Variants in ELOVL2 observed in about 807,000 individuals in gnomAD.
The protein encoded by ELOVL2 is very long chain fatty acid elongase 2.
ELOVL2 carries 38 observed loss-of-function variants against 37.7 expected under a neutral mutation model. The observed-to-expected ratio is 1.01, with a 90% CI of 0.78 to 1.32. The LOEUF (loss-of-function observed/expected upper bound fraction) is 1.32. Ranked by LOEUF, ELOVL2 falls within the 40% of genes most tolerant of loss-of-function variation. The pLI is 0.00. For missense variants in ELOVL2, 352 were observed against 363.6 expected (o/e 0.97, Z 0.26); for synonymous variants, 115 against 122.3 (o/e 0.94, Z 0.40).
chr6:11,007,997 G>A (rs1782508144), intron 2 of ELOVL2, among the ~76,000 whole-genome samples: 1 of 152,034 alleles, frequency 6.6e-6, no homozygotes, highest in Non-Finnish European at 1.5e-5. Context: ...TCTTATCTTT[G>A]GGACTTGAGA....
chr6:11,008,323 C>G (rs1295221936), intron 2 of ELOVL2, among the ~76,000 whole-genome samples: 1 of 152,226 alleles, frequency 6.6e-6, no homozygotes, highest in Non-Finnish European at 1.5e-5. Flanking sequence ...CTCAATTGAT[C>G]CCACATCCAC....
Position 11,028,392 on chromosome 6 carries a change from G to C in ELOVL2, c.3+15836C>G, listed in dbSNP as rs188617732. The stretch of plus-strand genomic sequence containing the variant: ...TGTATAGAGATTCTGCCTTTGACTA[G>C]ACGCAGGTGTGGACAAACAGGCTGA... On this transcript the variant is annotated intron_variant, in intron 1 of 7. Coordinates refer to ENST00000354666, the MANE Select transcript of ELOVL2 (RefSeq NM_017770.4). Among the ~76,000 whole-genome samples, 3 of 152,302 alleles carry C rather than the reference G, an allele frequency of 2.0e-5. No individual in the cohort carries two copies. The East Asian group carries it at 5.8e-4, about 29-fold the overall frequency.
At position 10,990,396 on chromosome 6, in the gene ELOVL2, G is replaced by A; in HGVS notation, c.552C>T (p.Tyr184=). 2 of 1,611,486 alleles carry A rather than the reference G, an allele frequency of 1.2e-6. No homozygotes were observed. Among genetic ancestry groups the A allele is most frequent in the Non-Finnish European group, 1.7e-6 (2 of 1,179,064 alleles). Residue 184 remains tyrosine (Y), a synonymous_variant, in exon 6 of 8, where the codon TAC becomes TAT. Coordinates refer to ENST00000354666, the MANE Select transcript of ELOVL2 (RefSeq NM_017770.4). ...TLNSFIHILM[Y]SYYGLSVFPS... is the part of the protein sequence containing the mutation. ...GAAACACAGAAAGTCCATAGTAGGAGTACATAAGAATGTGGATAAAACTGT... is the reference window on the plus strand; with the variant it reads ...GAAACACAGAAAGTCCATAGTAGGAATACATAAGAATGTGGATAAAACTGT...
At chr6:11,000,006 C>T (rs1283554732) in intron 4 of ELOVL2, 81 bp downstream of exon 4, 5 of 1,232,216 alleles carry the variant, frequency 4.1e-6, no homozygotes, top group Non-Finnish European at 6.0e-6. Flanking sequence ...TAGCCTCAGC[C>T]CTCTATCTGG....
Position 11,010,745 on chromosome 6 carries a change from C to A in ELOVL2, c.67+1G>T, listed in dbSNP as rs1166037453. The A allele has an allele frequency of 1.2e-6, 2 of 1,612,200 alleles. No homozygotes were observed. The highest frequency in any genetic ancestry group is 3.3e-5 in the Admixed American group (2 of 59,948). Reference sequence around the variant, plus strand: ...ATTAAGTTCTCAAGTAATTCACTGACCTCGCGGTCCAAACATATTGTCCAA... The same window carrying A: ...ATTAAGTTCTCAAGTAATTCACTGAACTCGCGGTCCAAACATATTGTCCAA... On this transcript the variant is annotated splice_donor_variant, in intron 2 of 7. Transcript: ENST00000354666. LOFTEE classifies it high-confidence loss of function.
At chr6:10,993,553 CAA>C (rs1782203793) in intron 5 of ELOVL2, among the ~76,000 whole-genome samples, 1 of 152,174 alleles carries the variant, frequency 6.6e-6, no homozygotes, top group Non-Finnish European at 1.5e-5. Flanking sequence ...ACCTGTTTCC[CAA>C]AATGAAATCA....
intron 5 of ELOVL2, among the ~76,000 whole-genome samples, chr6:10,992,772 G>A (rs925318384): frequency 2.0e-5 from 3 of 147,252 alleles, no homozygotes; most frequent in Non-Finnish European, 4.5e-5. Context: ...TGGCGACAGG[G>A]CGGGACTCCA....
chr6:11,011,314 C>T (rs1158975063), intron 1 of ELOVL2, among the ~76,000 whole-genome samples: 1 of 150,342 alleles, frequency 6.7e-6, no homozygotes, highest in East Asian at 1.9e-4. Flanking sequence ...TGCAGTGAGC[C>T]GAGATCACGC....
chr6:10,994,316 A>G (rs1475097019), intron 5 of ELOVL2, among the ~76,000 whole-genome samples: 1 of 151,958 alleles, frequency 6.6e-6, no homozygotes, highest in Non-Finnish European at 1.5e-5. Flanking sequence ...AAAATACAAA[A>G]AATTAGCTGG....
chr6:10,987,149 A>T (rs1561711417), intron 7 of ELOVL2, among the ~76,000 whole-genome samples: 1 of 152,172 alleles, frequency 6.6e-6, no homozygotes, highest in Non-Finnish European at 1.5e-5. Flanking sequence ...AGGTGTTTGT[A>T]GTATTCTCTG....
chr6:11,040,477 GCATT>G (rs1783082614), intron 1 of ELOVL2, among the ~76,000 whole-genome samples: 1 of 151,906 alleles, frequency 6.6e-6, no homozygotes, highest in Non-Finnish European at 1.5e-5. Context: ...ATCTTTTTCT[GCATT>G]GATTACATGT....
At chr6:10,989,878 CTG>C (rs769665094) in intron 6 of ELOVL2, 41 bp from the exon 7 acceptor site, 1 of 1,611,534 alleles carries the variant, frequency 6.2e-7, no homozygotes, top group Non-Finnish European at 8.5e-7. Context: ...GCGAGCCAGG[CTG>C]TGCCACACAG....
At chr6:11,020,013 G>A (rs1156693143) in intron 1 of ELOVL2, among the ~76,000 whole-genome samples, 1 of 152,022 alleles carries the variant, frequency 6.6e-6, no homozygotes, top group Admixed American at 6.6e-5. Context: ...CAAAGTGCTG[G>A]GATTACAGGC....
Position 10,982,524 on chromosome 6 carries a change from T to G in ELOVL2, c.*1257A>C, listed in dbSNP as rs1477408392. The G allele has an allele frequency of 2.0e-5, 3 of 152,230 alleles. No homozygotes were observed. Among genetic ancestry groups the G allele is most frequent in the African/African-American group, 4.8e-5 (2 of 41,454 alleles). 9.4% of individuals were successfully genotyped at this position (152,230 alleles called of 1,614,324 possible). ...CAGAAAATATTCTTTGTTTCCATTC[T>G]TGGTAGAGTTTAGTAGTGAGTAACA... is the stretch of plus-strand genomic sequence containing the variant. On this transcript the variant is annotated 3_prime_UTR_variant, in exon 8 of 8. Transcript: ENST00000354666.
intron 1 of ELOVL2, among the ~76,000 whole-genome samples, chr6:11,017,517 G>C (rs1300321811): frequency 6.6e-6 from 1 of 152,194 alleles, no homozygotes. Context: ...CCACAGGACA[G>C]TCCCATTCAA....
intron 1 of ELOVL2, 42 bp from the exon 2 acceptor site, chr6:11,010,851 CT>C (rs779779300): frequency 1.3e-6 from 2 of 1,509,398 alleles, no homozygotes; most frequent in Non-Finnish European, 1.8e-6. Context: ...TTTTTTTCTT[CT>C]TTTTTTGAAA....
At chr6:11,004,429 T>C (rs1446328763) in intron 3 of ELOVL2, among the ~76,000 whole-genome samples, 1 of 149,918 alleles carries the variant, frequency 6.7e-6, no homozygotes, top group Non-Finnish European at 1.5e-5. Flanking sequence ...TTTTTTTTTT[T>C]TTCTACAGCA....
intron 1 of ELOVL2, among the ~76,000 whole-genome samples, chr6:11,035,458 C>A (rs1345891092): frequency 6.6e-6 from 1 of 152,194 alleles, no homozygotes; most frequent in Non-Finnish European, 1.5e-5. Context: ...TCCATCCTTT[C>A]ACACAATCGG....
rs537711837 is a variant in ELOVL2, at chr6:10,987,901, A to T, written c.765+1802T>A. ...TCTCATTTTCACTTTTTTTTTTTTT[A>T]AAGCAATAGTATTAACAAGGATCCA... On this transcript the variant is annotated intron_variant, in intron 7 of 7. Coordinates refer to ENST00000354666, the MANE Select transcript of ELOVL2 (RefSeq NM_017770.4). Among the ~76,000 whole-genome samples the T allele has an allele frequency of 9.8e-3, 1,466 of 149,322 alleles. 10 individuals carry two copies. Among genetic ancestry groups the T allele is most frequent in the Middle Eastern group, 0.056 (16 of 288 alleles).
Sources: allele counts gnomAD v4.1 joint callset (sites outside exome capture counted in the v4.1 genomes callset), GRCh38; gene constraint gnomAD v4.1.1; transcripts MANE v1.5; gene names NCBI Gene and HGNC (gene_info 2026-07-23, HGNC 2026-07-21).